Variants in ZNF618 observed in about 807,000 individuals in gnomAD.
ZNF618 encodes the protein neural precursor cell expressed, developmentally down-regulated 10.
A neutral mutation model predicts 103.0 loss-of-function variants in ZNF618; 34 were observed. That is an observed-to-expected ratio of 0.33 (90% CI 0.25 to 0.44). The LOEUF (loss-of-function observed/expected upper bound fraction) is 0.44, where lower values mean the gene tolerates loss of function less well. Ranked by LOEUF, ZNF618 falls within the 20% of genes least tolerant of loss-of-function variation. The pLI is 1.00. For missense variants in ZNF618, 1,059 were observed against 1,295.4 expected, an observed-to-expected ratio of 0.82 and a Z score of 2.80; for synonymous variants, 551 against 542.2, an observed-to-expected ratio of 1.02 and a Z score of -0.23.
chr9:113,942,435 G>T (rs143142560), intron 1 of ZNF618, among the ~76,000 whole-genome samples: 1 of 152,098 alleles, frequency 6.6e-6, no homozygotes, highest in African/African-American at 2.4e-5. Context: ...TTGCCATAGA[G>T]AAAGAGCGGC....
intron 1 of ZNF618, among the ~76,000 whole-genome samples, chr9:113,951,560 T>TACACAC (rs1491520201): frequency 4.1e-5 from 2 of 48,938 alleles, no homozygotes; most frequent in Non-Finnish European, 9.5e-5. Flanking sequence ...TATGTGTGTG[T>TACACAC]ATATGTGTGT....
intron 2 of ZNF618, among the ~76,000 whole-genome samples, chr9:113,975,871 G>C (rs777965944): frequency 2.0e-5 from 3 of 152,030 alleles, no homozygotes; most frequent in African/African-American, 4.8e-5. Context: ...CTGGAGTTCA[G>C]ATTTCATTTC....
At chr9:113,912,101 G>T (rs373709461) in intron 1 of ZNF618, among the ~76,000 whole-genome samples, 2 of 152,162 alleles carry the variant, frequency 1.3e-5, no homozygotes, top group Admixed American at 6.5e-5. Flanking sequence ...TACTGCCACC[G>T]ACCACACTTT....
intron 12 of ZNF618, chr9:114,035,072 A>T: frequency 1.5e-6 from 1 of 668,802 alleles, no homozygotes; most frequent in Non-Finnish European, 1.8e-6. Context: ...TTCCTCTCGG[A>T]TGCTCCCCAC....
chr9:113,979,453 A>G (rs975864172), intron 2 of ZNF618, among the ~76,000 whole-genome samples: 1 of 152,264 alleles, frequency 6.6e-6, no homozygotes, highest in Non-Finnish European at 1.5e-5. Flanking sequence ...CACTCAAGAA[A>G]TAAGCTTCAC....
chr9:114,047,039 T>A (rs941502472), intron 13 of ZNF618, among the ~76,000 whole-genome samples: 2 of 152,228 alleles, frequency 1.3e-5, no homozygotes, highest in African/African-American at 4.8e-5. Flanking sequence ...AGCTGTGATA[T>A]ATCGTATATG....
At chr9:114,002,508 C>CG (rs1424990567) in intron 5 of ZNF618, 116 bp from the exon 6 acceptor site, 3 of 1,144,984 alleles carry the variant, frequency 2.6e-6, no homozygotes, top group Non-Finnish European at 3.8e-6. Flanking sequence ...ATCAGGGGCC[C>CG]GGTGCGGGAC....
chr9:113,939,066 T>C (rs930459867), intron 1 of ZNF618, among the ~76,000 whole-genome samples: 2 of 152,130 alleles, frequency 1.3e-5, no homozygotes, highest in Non-Finnish European at 2.9e-5. Context: ...TCCCAATATT[T>C]ATGCTTCTTG....
At chr9:114,023,821 A>C (rs1443726664) in intron 10 of ZNF618, among the ~76,000 whole-genome samples, 1 of 152,120 alleles carries the variant, frequency 6.6e-6, no homozygotes, top group Non-Finnish European at 1.5e-5. Flanking sequence ...GTCAGAGATC[A>C]TTCTGATTGT....
intron 2 of ZNF618, among the ~76,000 whole-genome samples, chr9:113,974,365 C>T (rs929062565): frequency 2.6e-5 from 4 of 152,296 alleles, no homozygotes; most frequent in Admixed American, 6.5e-5. Flanking sequence ...GCAAGGAGGC[C>T]GGTGTGGCCA....
chr9:114,021,759 A>G (rs182552569), intron 10 of ZNF618, among the ~76,000 whole-genome samples: 1 of 152,188 alleles, frequency 6.6e-6, no homozygotes, highest in East Asian at 1.9e-4. Context: ...GGCAAACACT[A>G]ATCTGCTTCC....
intron 5 of ZNF618, among the ~76,000 whole-genome samples, chr9:114,002,304 G>A (rs557257188): frequency 2.5e-4 from 38 of 152,274 alleles, no homozygotes; most frequent in African/African-American, 7.9e-4. Flanking sequence ...CCAGACCTGC[G>A]CCCAAGGGCA....
chr9:113,879,112 G>T (rs1828243832), intron 1 of ZNF618, among the ~76,000 whole-genome samples: 1 of 151,616 alleles, frequency 6.6e-6, no homozygotes, highest in African/African-American at 2.4e-5. Flanking sequence ...GGCTTTGGAG[G>T]CCTCATGAGG....
intron 4 of ZNF618, among the ~76,000 whole-genome samples, chr9:113,999,331 C>T (rs1169737278): frequency 1.3e-4 from 19 of 149,564 alleles, no homozygotes; most frequent in Admixed American, 8.0e-4. Context: ...TTAGGCTGAG[C>T]GAGGGGCAGG....
chr9:113,998,476 G>T (rs1488966747), intron 4 of ZNF618, 122 bp downstream of exon 4: 1 of 828,720 alleles, frequency 1.2e-6, no homozygotes, highest in Non-Finnish European at 1.9e-6. Flanking sequence ...AGGGTCAAGA[G>T]GGGCCACCTT....
At chr9:113,983,312 G>C (rs971185520) in intron 2 of ZNF618, among the ~76,000 whole-genome samples, 2 of 152,210 alleles carry the variant, frequency 1.3e-5, no homozygotes, top group Non-Finnish European at 2.9e-5. Flanking sequence ...TGATTCCATT[G>C]TTATTAGGAC....
intron 13 of ZNF618, among the ~76,000 whole-genome samples, chr9:114,038,297 G>A (rs889561793): frequency 6.6e-6 from 1 of 152,178 alleles, no homozygotes; most frequent in Admixed American, 6.5e-5. Context: ...CATCCCTGGA[G>A]GCCATTAAAA....
At chr9:113,894,511 A>G (rs1305257762) in intron 1 of ZNF618, among the ~76,000 whole-genome samples, 1 of 152,204 alleles carries the variant, frequency 6.6e-6, no homozygotes, top group East Asian at 1.9e-4. Flanking sequence ...TGTCATTTGC[A>G]CTTAGCTTTG....
intron 4 of ZNF618, among the ~76,000 whole-genome samples, chr9:114,001,786 TG>T: frequency 6.6e-6 from 1 of 151,860 alleles, no homozygotes; most frequent in Non-Finnish European, 1.5e-5. Flanking sequence ...GATGGGGGGG[TG>T]CCTTGCCCAA....
Sources: allele counts gnomAD v4.1 joint callset (sites outside exome capture counted in the v4.1 genomes callset), GRCh38; gene constraint gnomAD v4.1.1; transcripts MANE v1.5; gene names NCBI Gene and HGNC (gene_info 2026-07-23, HGNC 2026-07-21).